HAT1: variants seen among roughly 807,000 people sequenced by gnomAD.
HAT1 encodes the protein histone acetyltransferase 1.
In HAT1, 20 loss-of-function variants were observed where a neutral mutation model predicts 56.6. The observed-to-expected ratio is 0.35, with a 90% CI of 0.25 to 0.51. The LOEUF is 0.51. Among genes scored for constraint, HAT1 ranks in the 20% least tolerant of loss-of-function variants. The probability of loss-of-function intolerance (pLI) is 0.95; values close to 1 mark genes in which losing one functional copy is unlikely to be tolerated. For missense variants in HAT1, 408 were observed against 504.3 expected, an observed-to-expected ratio of 0.81 and a Z score of 1.83; for synonymous variants, 146 against 165.5, an observed-to-expected ratio of 0.88 and a Z score of 0.91.
intron 2 of HAT1, among the ~76,000 whole-genome samples, chr2:171,935,219 A>T (rs532307519): frequency 1.3e-4 from 19 of 151,900 alleles, no homozygotes; most frequent in Non-Finnish European, 2.5e-4. Context: ...ATTATGTTCA[A>T]ATCAATTCAT....
chr2:171,979,101 G>C, intron 9 of HAT1, 146 bp from the exon 10 acceptor site: 2 of 594,186 alleles, frequency 3.4e-6, no homozygotes, highest in South Asian at 2.0e-5. Flanking sequence ...TAGACTGCTT[G>C]AGGGCAACTA....
intron 3 of HAT1, among the ~76,000 whole-genome samples, chr2:171,947,975 A>T (rs965785096): frequency 1.3e-4 from 20 of 152,140 alleles, no homozygotes; most frequent in Non-Finnish European, 2.4e-4. Flanking sequence ...TTACTTTTTT[A>T]AAAAAAACTT....
chr2:171,973,962 T>C (rs1687883407), intron 8 of HAT1, among the ~76,000 whole-genome samples: 1 of 151,996 alleles, frequency 6.6e-6, no homozygotes, highest in African/African-American at 2.4e-5. Flanking sequence ...GGTGGATCGC[T>C]TGAGCCCAGG....
At chr2:171,927,958 C>T (rs1686639265) in intron 2 of HAT1, among the ~76,000 whole-genome samples, 1 of 151,728 alleles carries the variant, frequency 6.6e-6, no homozygotes, top group Admixed American at 6.6e-5. Context: ...GCGGTCTTGG[C>T]TCACTGAAAC....
chr2:171,945,513 T>C (rs1558968328), intron 2 of HAT1, among the ~76,000 whole-genome samples: 1 of 150,788 alleles, frequency 6.6e-6, no homozygotes, highest in African/African-American at 2.4e-5. Flanking sequence ...TTTTTTTTTT[T>C]TTTTGAGACA....
At chr2:171,926,879 G>A (rs1019791961) in intron 2 of HAT1, among the ~76,000 whole-genome samples, 1 of 152,112 alleles carries the variant, frequency 6.6e-6, no homozygotes, top group Non-Finnish European at 1.5e-5. Context: ...ATTCACAGTA[G>A]CCAAAAAAAT....
intron 10 of HAT1, 187 bp downstream of exon 10, chr2:171,979,550 G>C: frequency 6.3e-6 from 3 of 475,956 alleles, no homozygotes; most frequent in Non-Finnish European, 1.1e-5. Flanking sequence ...GCCCACACCT[G>C]TAATCCCAGC....
intron 2 of HAT1, among the ~76,000 whole-genome samples, chr2:171,927,676 C>T (rs935373809): frequency 1.3e-5 from 2 of 152,152 alleles, no homozygotes; most frequent in African/African-American, 2.4e-5. Flanking sequence ...CAACCTCTGC[C>T]TCCCAGATTC....
chr2:171,966,773 A>G (rs774217097), intron 7 of HAT1, 70 bp from the exon 8 acceptor site: 41 of 744,716 alleles, frequency 5.5e-5, no homozygotes, highest in Admixed American at 3.3e-4. Flanking sequence ...TTGTAATACT[A>G]TAGTGATCTG....
At chr2:171,951,409 T>A (rs900470011) in intron 3 of HAT1, among the ~76,000 whole-genome samples, 2 of 152,050 alleles carry the variant, frequency 1.3e-5, no homozygotes, top group Non-Finnish European at 1.5e-5. Context: ...AGATCTAGTT[T>A]TACAGATAGT....
chr2:171,926,937 A>G (rs2105962157), intron 2 of HAT1, among the ~76,000 whole-genome samples: 1 of 152,392 alleles, frequency 6.6e-6, no homozygotes, highest in East Asian at 1.9e-4. Context: ...AAAGTATAGT[A>G]TAGCTATACC....
At chr2:171,931,850 T>G (rs1438587695) in intron 2 of HAT1, among the ~76,000 whole-genome samples, 3 of 152,198 alleles carry the variant, frequency 2.0e-5, no homozygotes, top group Non-Finnish European at 4.4e-5. Context: ...GGCCAGAACC[T>G]CTATTACAAT....
chr2:171,983,260 G>A lies in HAT1; in HGVS notation c.1168G>A (p.Glu390Lys), dbSNP rs769997780. 1.2e-5 allele frequency: 20 copies of A among 1,604,492 alleles called. No homozygotes were observed. Among genetic ancestry groups the A allele is most frequent in the Non-Finnish European group, 1.7e-5 (20 of 1,172,094 alleles). The change falls in exon 11 of 11, where the codon GAA becomes AAA. Residue 390 changes from glutamate to lysine, a missense_variant. Coordinates refer to ENST00000264108, the MANE Select transcript of HAT1 (RefSeq NM_003642.4). ...ACTGACAAACCAGATGAACCAAATA[G>A]AAATAAGCATGCAACATGAACAGCT... ...EELTNQMNQI[E>K]ISMQHEQLEE...
chr2:171,967,414 A>T (rs1687708378), intron 8 of HAT1, among the ~76,000 whole-genome samples: 1 of 152,196 alleles, frequency 6.6e-6, no homozygotes, highest in Non-Finnish European at 1.5e-5. Flanking sequence ...GCATGCCTTC[A>T]CAACAGTAGT....
chr2:171,948,258 G>A (rs922955026), intron 3 of HAT1, among the ~76,000 whole-genome samples: 4 of 152,092 alleles, frequency 2.6e-5, no homozygotes, highest in East Asian at 3.9e-4. Context: ...AGAGTCTCGC[G>A]TTGTTGCCCA....
At chr2:171,935,360 C>A (rs1017068064) in intron 2 of HAT1, among the ~76,000 whole-genome samples, 3 of 149,462 alleles carry the variant, frequency 2.0e-5, no homozygotes, top group Non-Finnish European at 4.5e-5. Context: ...ACTAAAAATA[C>A]AAAAATTAGC....
chr2:171,958,799 A>G (rs1449622684), intron 4 of HAT1, among the ~76,000 whole-genome samples: 3 of 152,208 alleles, frequency 2.0e-5, no homozygotes, highest in Non-Finnish European at 2.9e-5. Flanking sequence ...TTAAACTGAC[A>G]TTAACTTCTG....
chr2:171,933,846 T>C (rs1686802179), intron 2 of HAT1, among the ~76,000 whole-genome samples: 3 of 152,222 alleles, frequency 2.0e-5, no homozygotes, highest in African/African-American at 4.8e-5. Flanking sequence ...GTGTCCTAGG[T>C]GCACTGAAAA....
Position 171,930,033 on chromosome 2 carries a change from T to G in HAT1, c.112+4392T>G, listed in dbSNP as rs535043790. 2.9e-3 allele frequency among the ~76,000 whole-genome samples: 441 copies of G among 152,348 alleles called. 3 individuals are homozygous for G. The highest frequency in any genetic ancestry group is 0.01 in the African/African-American group (417 of 41,582). ...ATTGCTATCTTAATAACATTGAGCC[T>G]TCCAGTATATGAACATGATGTATTT... On this transcript the variant is annotated intron_variant, in intron 2 of 10. Coordinates refer to ENST00000264108, the MANE Select transcript of HAT1 (RefSeq NM_003642.4).
Sources: gnomAD v4.1 joint callset for allele counts (sites outside exome capture counted in the v4.1 genomes callset) on GRCh38, gnomAD v4.1.1 for gene constraint, MANE v1.5 for transcripts, NCBI Gene and HGNC (gene_info 2026-07-23, HGNC 2026-07-21) for gene names.